FOXO1: variants seen among roughly 807,000 people sequenced by gnomAD.
FOXO1 encodes forkhead box O1.
A neutral mutation model predicts 44.1 loss-of-function variants in FOXO1; 6 were observed. The ratio of observed to expected loss-of-function variants is 0.14; its 90% confidence interval spans 0.07 to 0.27. The LOEUF (loss-of-function observed/expected upper bound fraction) is 0.27. FOXO1 is among the 10% of genes least tolerant of loss of function. The probability of loss-of-function intolerance (pLI) is 1.00; values close to 1 mark genes in which losing one functional copy is unlikely to be tolerated. For missense variants in FOXO1, 737 were observed against 888.8 expected, an observed-to-expected ratio of 0.83 and a Z score of 2.17; for synonymous variants, 380 against 362.7, an observed-to-expected ratio of 1.05 and a Z score of -0.54.
chr13:40,664,580 C>T (rs975891577), intron 1 of FOXO1, among the ~76,000 whole-genome samples: 1 of 152,152 alleles, frequency 6.6e-6, no homozygotes, highest in African/African-American at 2.4e-5. Context: ...AGCCCCCCCG[C>T]CTGGTCCTCC....
At chr13:40,584,865 G>A (rs1875098494) in intron 1 of FOXO1, among the ~76,000 whole-genome samples, 1 of 152,182 alleles carries the variant, frequency 6.6e-6, no homozygotes, top group Non-Finnish European at 1.5e-5. Context: ...AGCGCAGCTT[G>A]GCAATCTATT....
intron 1 of FOXO1, among the ~76,000 whole-genome samples, chr13:40,656,382 A>G (rs755145187): frequency 3.3e-5 from 5 of 152,194 alleles, no homozygotes; most frequent in Non-Finnish European, 7.4e-5. Flanking sequence ...AGAATTTCTC[A>G]TTTTTCAAAA....
At chr13:40,613,731 C>G (rs1876316880) in intron 1 of FOXO1, among the ~76,000 whole-genome samples, 1 of 152,198 alleles carries the variant, frequency 6.6e-6, no homozygotes, top group Admixed American at 6.5e-5. Context: ...GTCACTTGAA[C>G]AAACACAAGC....
rs1876093818 is a variant in FOXO1, at chr13:40,608,224, CTCT to C, written c.631-47367_631-47365del. Among the ~76,000 whole-genome samples, 3 of 152,168 alleles carry C rather than the reference CTCT, an allele frequency of 2.0e-5. No individual in the cohort carries two copies. The South Asian group carries it at 6.2e-4, about 32-fold the overall frequency. On this transcript the variant is annotated intron_variant, in intron 1 of 2. Coordinates refer to ENST00000379561, the MANE Select transcript of FOXO1 (RefSeq NM_002015.4). ...TCCCTGGTAATTGTATTTCTATGGC[CTCT>C]TGTCGGTAAAGTACACTTTTCTCCT...
At position 40,560,768 on chromosome 13, in the gene FOXO1, T is replaced by C. The variant is rs1426282442; in HGVS notation, c.723A>G (p.Pro241=). 1.2e-6 allele frequency: 2 copies of C among 1,614,240 alleles called. No individual in the cohort carries two copies. The highest frequency in any genetic ancestry group is 8.5e-7 in the Non-Finnish European group (1 of 1,180,048). Residue 241 remains proline, a synonymous_variant, in exon 2 of 3, where the codon CCA becomes CCG. Coordinates refer to ENST00000379561, the MANE Select transcript of FOXO1 (RefSeq NM_002015.4). This position sits in a 1 kb window ranked among gnomAD's most constrained non-coding sequence, Gnocchi z 5.1. ...TGKSSWWMLN[P]EGGKSGKSPR... The stretch of plus-strand genomic sequence containing the variant: ...GAGATTTCCCGCTCTTGCCACCCTC[T>C]GGATTGAGCATCCACCAAGAACTTT...
rs187879864 is a variant in FOXO1, at chr13:40,561,828, G to A, written c.631-968C>T. ...TACTAAAAATACAAAAATTAGTCGG[G>A]TGTGGTGGCAGGCGCCAGTAATCCC... is the stretch of plus-strand genomic sequence containing the variant. On this transcript the variant is annotated intron_variant, in intron 1 of 2. Coordinates refer to ENST00000379561, the MANE Select transcript of FOXO1 (RefSeq NM_002015.4). Among the ~76,000 whole-genome samples, 15 of 151,850 alleles carry A rather than the reference G, an allele frequency of 9.9e-5. No individual in the cohort carries two copies. The East Asian group carries it at 2.7e-3, about 27-fold the overall frequency.
At chr13:40,634,898 G>A (rs568891555) in intron 1 of FOXO1, among the ~76,000 whole-genome samples, 11 of 152,046 alleles carry the variant, frequency 7.2e-5, no homozygotes, top group Admixed American at 2.0e-4. Flanking sequence ...GGCTGGTCTC[G>A]AACTCCTGAC....
chr13:40,662,437 T>C (rs1334629023), intron 1 of FOXO1, among the ~76,000 whole-genome samples: 3 of 152,156 alleles, frequency 2.0e-5, no homozygotes, highest in Non-Finnish European at 4.4e-5. Flanking sequence ...TTTCATTATT[T>C]ATAAATACTG....
intron 1 of FOXO1, among the ~76,000 whole-genome samples, chr13:40,651,111 GT>G (rs770744609): frequency 6.7e-6 from 1 of 148,194 alleles, no homozygotes; most frequent in Admixed American, 6.7e-5. Flanking sequence ...TTTTGTTTTT[GT>G]TTTTTTTTAA....
intron 1 of FOXO1, among the ~76,000 whole-genome samples, chr13:40,651,273 T>C (rs1044509574): frequency 6.6e-6 from 1 of 152,050 alleles, no homozygotes; most frequent in African/African-American, 2.4e-5. Context: ...AAAAAGTACG[T>C]TCTAGGTACA....
intron 1 of FOXO1, among the ~76,000 whole-genome samples, chr13:40,590,079 T>C (rs558432252): frequency 1.3e-5 from 2 of 152,186 alleles, no homozygotes; most frequent in African/African-American, 4.8e-5. Context: ...CCTACCCAAC[T>C]CCTCCCAATA....
At chr13:40,653,575 T>A (rs1593416629) in intron 1 of FOXO1, among the ~76,000 whole-genome samples, 1 of 152,198 alleles carries the variant, frequency 6.6e-6, no homozygotes, top group Admixed American at 6.5e-5. Context: ...ATCTTTATCT[T>A]CCCACATAAT....
intron 1 of FOXO1, among the ~76,000 whole-genome samples, chr13:40,588,114 T>C (rs1724084332): frequency 6.6e-6 from 1 of 151,856 alleles, no homozygotes; most frequent in South Asian, 2.1e-4. Flanking sequence ...ACCTTGGGAG[T>C]TCAGGCAAGC....
intron 1 of FOXO1, among the ~76,000 whole-genome samples, chr13:40,646,410 T>C (rs929279978): frequency 6.6e-6 from 1 of 151,844 alleles, no homozygotes. Context: ...CTCAAACTCC[T>C]GACTTTGTGA....
chr13:40,564,497 C>A (rs1007738021), intron 1 of FOXO1, among the ~76,000 whole-genome samples: 1 of 152,042 alleles, frequency 6.6e-6, no homozygotes, highest in Non-Finnish European at 1.5e-5. Flanking sequence ...AAAGAAGCTA[C>A]GGTTTCTAGG....
At chr13:40,664,868 C>A (rs1878170849) in intron 1 of FOXO1, among the ~76,000 whole-genome samples, 1 of 151,806 alleles carries the variant, frequency 6.6e-6, no homozygotes, top group South Asian at 2.1e-4. Flanking sequence ...CACACTTGAA[C>A]TTTAGCTCGC....
intron 1 of FOXO1, among the ~76,000 whole-genome samples, chr13:40,578,452 T>C (rs2137847013): frequency 6.6e-6 from 1 of 152,236 alleles, no homozygotes; most frequent in Admixed American, 6.5e-5. Flanking sequence ...GCAGCCAGCC[T>C]CCCATCCCAC....
chr13:40,630,566 A>C (rs547869589), intron 1 of FOXO1, among the ~76,000 whole-genome samples: 1 of 152,116 alleles, frequency 6.6e-6, no homozygotes, highest in South Asian at 2.1e-4. Context: ...GAGGCAGGAT[A>C]ATTGCTTGAA....
chr13:40,619,524 T>TA, intron 1 of FOXO1: 1 of 1,352,332 alleles, frequency 7.4e-7, no homozygotes, highest in South Asian at 1.2e-5. Flanking sequence ...ATCATGAAAA[T>TA]AGAGGATCTG....
Sources: allele counts gnomAD v4.1 joint callset (sites outside exome capture counted in the v4.1 genomes callset), GRCh38; gene constraint gnomAD v4.1.1; non-coding constraint Gnocchi (gnomAD v3.1); transcripts MANE v1.5; gene names NCBI Gene and HGNC (gene_info 2026-07-23, HGNC 2026-07-21).